Variants in SIL1 observed in about 807,000 individuals in gnomAD.
SIL1 encodes SIL1 nucleotide exchange factor, also known as nucleotide exchange factor SIL1.
A neutral mutation model predicts 49.1 loss-of-function variants in SIL1; 40 were observed. The observed-to-expected ratio is 0.81, with a 90% CI of 0.63 to 1.06. The LOEUF (loss-of-function observed/expected upper bound fraction) is 1.06, where lower values mean the gene tolerates loss of function less well. Among genes scored for constraint, SIL1 ranks in the 50% least tolerant of loss-of-function variants. The pLI is 0.00. For missense variants in SIL1, 500 were observed against 572.6 expected (o/e 0.87, Z 1.29); for synonymous variants, 253 against 250.8 (o/e 1.01, Z -0.08).
intron 4 of SIL1, 51 bp downstream of exon 4, chr5:139,050,887 C>CA (rs1309157247): frequency 1.4e-6 from 2 of 1,464,976 alleles, no homozygotes; most frequent in Non-Finnish European, 1.9e-6. Context: ...TATTACAATA[C>CA]AAAATCAACG....
intron 3 of SIL1, among the ~76,000 whole-genome samples, chr5:139,058,182 G>A (rs902120492): frequency 6.6e-6 from 1 of 152,170 alleles, no homozygotes; most frequent in Admixed American, 6.5e-5. Flanking sequence ...TGTATCATAT[G>A]ATTACTTTTA....
rs1750782507 is a variant in SIL1, at chr5:139,127,770, C to T, written c.74G>A (p.Cys25Tyr). ...GMLLGLLMAA[C>Y]FTFCLSHQNL... Reference sequence around the variant, plus strand: ...CTGATGACTGAGGCAGAAGGTGAAGCAGGCGGCCATCAGCAGCCCAAGCAG... The same window carrying T: ...CTGATGACTGAGGCAGAAGGTGAAGTAGGCGGCCATCAGCAGCCCAAGCAG... The change falls in exon 2 of 10, where the codon TGC (cysteine) becomes TAC (tyrosine). Residue 25 changes from cysteine to tyrosine, a missense_variant. Coordinates refer to ENST00000394817, the MANE Select transcript of SIL1 (RefSeq NM_022464.5). 6.2e-7 allele frequency: 1 copy of T among 1,611,004 alleles called. No individual in the cohort carries two copies. Among genetic ancestry groups the T allele is most frequent in the Admixed American group, 1.7e-5 (1 of 59,794 alleles).
chr5:139,109,852 A>G (rs1770804616), intron 3 of SIL1, among the ~76,000 whole-genome samples: 1 of 148,592 alleles, frequency 6.7e-6, no homozygotes, highest in Non-Finnish European at 1.5e-5. Context: ...ATGAGATACT[A>G]GACAACCTCC....
chr5:138,999,678 C>G (rs577525553), intron 7 of SIL1, among the ~76,000 whole-genome samples: 1 of 152,216 alleles, frequency 6.6e-6, no homozygotes, highest in African/African-American at 2.4e-5. Context: ...ATAAATGCTA[C>G]TGGTTTTTGT....
chr5:139,099,614 A>G (rs11746434), intron 3 of SIL1, among the ~76,000 whole-genome samples: 38,818 of 152,064 alleles, frequency 0.26, 5,982 homozygotes, highest in Middle Eastern at 0.39. Context: ...AAAGAATGAG[A>G]TCCTATCATT....
chr5:139,103,124 G>A (rs1380143321), intron 3 of SIL1, among the ~76,000 whole-genome samples: 1 of 152,272 alleles, frequency 6.6e-6, no homozygotes, highest in East Asian at 1.9e-4. Flanking sequence ...AGAAAGGGAA[G>A]GAAGAAGATG....
intron 7 of SIL1, among the ~76,000 whole-genome samples, chr5:138,988,713 A>C (rs893804943): frequency 6.6e-6 from 1 of 152,102 alleles, no homozygotes; most frequent in Non-Finnish European, 1.5e-5. Context: ...TCTCTACAAA[A>C]AATTTTTAAA....
chr5:139,054,107 C>G (rs1238017749), intron 3 of SIL1, among the ~76,000 whole-genome samples: 1 of 152,092 alleles, frequency 6.6e-6, no homozygotes, highest in Non-Finnish European at 1.5e-5. Context: ...ACAATGAGAT[C>G]CCATCTCTAG....
chr5:138,951,064 C>T, intron 9 of SIL1, 107 bp downstream of exon 9: 2 of 1,295,254 alleles, frequency 1.5e-6, no homozygotes, highest in East Asian at 2.5e-5. Context: ...CAGAAGCACA[C>T]ACAAAGCAAA....
rs146615873 is a variant in SIL1 at position 139,061,492 on chromosome 5, G to A, written c.245-10446C>T. ...CCGGCTGGCCATGCCGCAAGCCCTG[G>A]GACTCTGCTCCTCACTTGGCTATCT... On this transcript the variant is annotated intron_variant, in intron 3 of 9. Coordinates refer to ENST00000394817, the MANE Select transcript of SIL1 (RefSeq NM_022464.5). 2.5e-3 allele frequency among the ~76,000 whole-genome samples: 384 copies of A among 152,334 alleles called. 3 individuals carry two copies. Among genetic ancestry groups the A allele is most frequent in the African/African-American group, 8.1e-3 (336 of 41,566 alleles).
intron 7 of SIL1, among the ~76,000 whole-genome samples, chr5:138,974,351 C>G (rs1024750229): frequency 4.6e-5 from 7 of 152,240 alleles, no homozygotes; most frequent in African/African-American, 1.2e-4. Flanking sequence ...CTGTCCTCCC[C>G]CTTTGGGCCT....
At chr5:138,958,101 G>C (rs1300721494) in intron 7 of SIL1, among the ~76,000 whole-genome samples, 1 of 152,030 alleles carries the variant, frequency 6.6e-6, no homozygotes, top group Non-Finnish European at 1.5e-5. Context: ...TTGACCCCAC[G>C]TCCGATTTAT....
intron 3 of SIL1, among the ~76,000 whole-genome samples, chr5:139,096,696 ACACC>A (rs1770474062): frequency 6.6e-6 from 1 of 151,784 alleles, no homozygotes; most frequent in Non-Finnish European, 1.5e-5. Flanking sequence ...ATTTCTAGAC[ACACC>A]CTGGCCAAAA....
At chr5:138,953,282 G>C (rs1157618156) in intron 7 of SIL1, 1 of 152,288 alleles carries the variant, frequency 6.6e-6, no homozygotes, top group African/African-American at 2.4e-5. Flanking sequence ...AAATCAGAAG[G>C]AGCTGGCTCC....
intron 1 of SIL1, among the ~76,000 whole-genome samples, chr5:139,179,638 A>C (rs1327765866): frequency 1.3e-5 from 2 of 152,118 alleles, no homozygotes; most frequent in Non-Finnish European, 2.9e-5. Context: ...GCATAGTGAC[A>C]GGTACTTTAT....
In SIL1 at chr5:139,056,613, G is replaced by A. The variant is rs1433747877; in HGVS notation, c.245-5567C>T. 4.2e-5 allele frequency among the ~76,000 whole-genome samples: 6 copies of A among 144,352 alleles called. No homozygotes were observed. The South Asian group carries it at 8.7e-4, about 21-fold the overall frequency. The allele number at this position is 144,352 out of a possible 152,430, so 94.7% of individuals were successfully genotyped here. ...AGGGAGGTGGGGGGGTCAGCCCCCC[G>A]CCCGGCCAGCCGCCCCATCAAGGAG... On this transcript the variant is annotated intron_variant, in intron 3 of 9. Transcript: ENST00000394817.
At chr5:139,191,694 G>C (rs1160448821) in intron 1 of SIL1, among the ~76,000 whole-genome samples, 1 of 152,080 alleles carries the variant, frequency 6.6e-6, no homozygotes. Flanking sequence ...GGGAGGCTGA[G>C]GTGGGAGGAT....
intron 1 of SIL1, among the ~76,000 whole-genome samples, chr5:139,143,284 TACACATGTGTATATACATATATACACAC>T (rs1751118983): frequency 6.8e-6 from 1 of 146,466 alleles, no homozygotes; most frequent in African/African-American, 2.5e-5. Context: ...CATATGTATA[TACACATGTGTATATACATATATACACAC>T]ACACACACAC....
At chr5:138,966,689 A>G (rs189919701) in intron 7 of SIL1, among the ~76,000 whole-genome samples, 293 of 152,202 alleles carry the variant, frequency 1.9e-3, no homozygotes, top group Non-Finnish European at 3.3e-3. Flanking sequence ...CCACCATTTA[A>G]TAGCTCTCAA....
Sources: gnomAD v4.1 joint callset for allele counts (sites outside exome capture counted in the v4.1 genomes callset) on GRCh38, gnomAD v4.1.1 for gene constraint, MANE v1.5 for transcripts, NCBI Gene and HGNC (gene_info 2026-07-23, HGNC 2026-07-21) for gene names.